Variants in GFOD1 observed in about 807,000 individuals in gnomAD.
The protein encoded by GFOD1 is Gfo/Idh/MocA-like oxidoreductase domain containing 1.
Under a neutral mutation model 25.4 loss-of-function variants are expected in GFOD1, and 9 were observed. The observed-to-expected ratio is 0.35, with a 90% CI of 0.21 to 0.62. GFOD1 has a LOEUF of 0.62. GFOD1 is among the 20% of genes least tolerant of loss of function. The pLI is 0.72. For synonymous variants in GFOD1, 253 were observed against 245.6 expected, an observed-to-expected ratio of 1.03 and a Z score of -0.28; for missense variants, 403 against 556.9, an observed-to-expected ratio of 0.72 and a Z score of 2.78.
intron 1 of GFOD1, among the ~76,000 whole-genome samples, chr6:13,374,309 GT>G (rs1554199412): frequency 5.8e-5 from 8 of 137,456 alleles, no homozygotes; most frequent in Admixed American, 7.2e-5. Context: ...GTGTGTGTTT[GT>G]TTTTTTTTTT....
intron 1 of GFOD1, among the ~76,000 whole-genome samples, chr6:13,412,328 AGACCCTGTGAG>A (rs557199878): frequency 2.6e-5 from 4 of 152,336 alleles, no homozygotes; most frequent in Admixed American, 6.5e-5. Flanking sequence ...AACAGAGGGA[AGACCCTGTGAG>A]GACACAGAGA....
chr6:13,453,946 A>C (rs1758143641), intron 1 of GFOD1, among the ~76,000 whole-genome samples: 1 of 152,186 alleles, frequency 6.6e-6, no homozygotes, highest in South Asian at 2.1e-4. Context: ...CACAGTCCTC[A>C]CTTCCAGTAC....
At chr6:13,462,616 G>T (rs1378734937) in intron 1 of GFOD1, among the ~76,000 whole-genome samples, 2 of 152,180 alleles carry the variant, frequency 1.3e-5, no homozygotes, top group Non-Finnish European at 2.9e-5. Context: ...TCTTCTTGCT[G>T]ACAGTGAGGA....
intron 1 of GFOD1, among the ~76,000 whole-genome samples, chr6:13,436,215 A>G (rs1420683279): frequency 6.6e-6 from 1 of 152,010 alleles, no homozygotes; most frequent in Non-Finnish European, 1.5e-5. Flanking sequence ...TGTTTTTAAA[A>G]ATTAAATTTT....
chr6:13,397,479 C>T (rs554792185), intron 1 of GFOD1, among the ~76,000 whole-genome samples: 74 of 152,368 alleles, frequency 4.9e-4, no homozygotes, highest in Middle Eastern at 6.8e-3. Context: ...ACCTCCAGGC[C>T]CTCTGGCATC....
At chr6:13,425,596 C>A (rs1314018598) in intron 1 of GFOD1, among the ~76,000 whole-genome samples, 1 of 152,200 alleles carries the variant, frequency 6.6e-6, no homozygotes, top group African/African-American at 2.4e-5. Context: ...AGTCCTCATT[C>A]AGATCTGAAA....
In GFOD1 at chr6:13,361,401, T is replaced by C. The variant is rs1784945302; in HGVS notation, c.*3342A>G. The C allele has an allele frequency of 6.4e-6, 1 of 155,924 alleles. No homozygotes were observed. The highest frequency in any genetic ancestry group is 2.4e-5 in the African/African-American group (1 of 41,446). The allele number at this position is 155,924 out of a possible 1,614,324, so 9.7% of individuals were successfully genotyped here. On this transcript the variant is annotated 3_prime_UTR_variant, in exon 2 of 2. Transcript: ENST00000379287. ...ACGAAACAGGCATGCAGGAACTAAA[T>C]GGGAAGACTCTTAAAGCACTGCCTC...
At chr6:13,483,180 G>T (rs943295865) in intron 1 of GFOD1, among the ~76,000 whole-genome samples, 1 of 152,036 alleles carries the variant, frequency 6.6e-6, no homozygotes, top group African/African-American at 2.4e-5. Flanking sequence ...GCAAGATGGG[G>T]GCACACAGTG....
intron 1 of GFOD1, among the ~76,000 whole-genome samples, chr6:13,382,212 CCAGT>C (rs1355841826): frequency 1.5e-4 from 23 of 152,152 alleles, no homozygotes; most frequent in African/African-American, 5.3e-4. Context: ...AATCTGGCAG[CCAGT>C]CAAATATGAT....
intron 1 of GFOD1, among the ~76,000 whole-genome samples, chr6:13,440,546 T>C (rs1329879278): frequency 6.6e-6 from 1 of 152,176 alleles, no homozygotes; most frequent in African/African-American, 2.4e-5. Flanking sequence ...AATCAGTCCA[T>C]CTACGATGAC....
At chr6:13,415,142 C>A (rs560220080) in intron 1 of GFOD1, among the ~76,000 whole-genome samples, 13 of 152,304 alleles carry the variant, frequency 8.5e-5, no homozygotes, top group East Asian at 5.8e-4. Flanking sequence ...CCCCAGCACT[C>A]GTGCCCTGTC....
At chr6:13,440,928 G>A (rs1757904502) in intron 1 of GFOD1, among the ~76,000 whole-genome samples, 1 of 152,126 alleles carries the variant, frequency 6.6e-6, no homozygotes. Context: ...CAGACAGAAG[G>A]AACTGCTGCA....
intron 1 of GFOD1, among the ~76,000 whole-genome samples, chr6:13,454,639 A>C (rs879791042): frequency 9.2e-5 from 14 of 152,004 alleles, no homozygotes; most frequent in Non-Finnish European, 2.1e-4. Context: ...CAATGCCACC[A>C]CTCCCGTCCA....
At chr6:13,398,773 G>A (rs1035352789) in intron 1 of GFOD1, among the ~76,000 whole-genome samples, 1 of 152,168 alleles carries the variant, frequency 6.6e-6, no homozygotes. Context: ...CTTTCCCTCA[G>A]GTCAGGGCTC....
At chr6:13,482,828 T>C (rs1471847867) in intron 1 of GFOD1, among the ~76,000 whole-genome samples, 1 of 152,124 alleles carries the variant, frequency 6.6e-6, no homozygotes, top group Admixed American at 6.5e-5. Context: ...AAAATATATA[T>C]TATTTTTAAT....
rs117671882 is a variant in GFOD1, at chr6:13,358,217, C to T, written c.*6526G>A. 2 of 151,872 alleles carry T rather than the reference C, an allele frequency of 1.3e-5. No individual in the cohort carries two copies. The highest frequency in any genetic ancestry group is 3.9e-4 in the East Asian group (2 of 5,192). The allele number at this position is 151,872 out of a possible 1,614,324, so 9.4% of individuals were successfully genotyped here. The stretch of plus-strand genomic sequence containing the variant: ...ATCTACATTATATAGAAAATATAGA[C>T]TCTGTTTACTTTATAACACACATCT... On this transcript the variant is annotated 3_prime_UTR_variant, in exon 2 of 2. Transcript: ENST00000379287.
At chr6:13,451,321 C>G (rs1758094194) in intron 1 of GFOD1, among the ~76,000 whole-genome samples, 1 of 152,158 alleles carries the variant, frequency 6.6e-6, no homozygotes, top group Non-Finnish European at 1.5e-5. Flanking sequence ...CATCCATGAC[C>G]CACAGGCCTG....
In GFOD1 at chr6:13,364,679, G is replaced by T; in HGVS notation, c.*64C>A. 7.3e-7 allele frequency: 1 copy of T among 1,373,148 alleles called. No homozygotes were observed. The highest frequency in any genetic ancestry group is 1.0e-6 in the Non-Finnish European group (1 of 991,282). 85.1% of individuals were successfully genotyped at this position (1,373,148 alleles called of 1,614,324 possible). A position where few individuals can be genotyped will look rare whatever the true frequency, so the allele number is the denominator to read the frequency against. On this transcript the variant is annotated 3_prime_UTR_variant, in exon 2 of 2. Coordinates refer to ENST00000379287, the MANE Select transcript of GFOD1 (RefSeq NM_018988.4). This position sits in a 1 kb window ranked among gnomAD's most constrained non-coding sequence, Gnocchi z 4.1. The stretch of plus-strand genomic sequence containing the variant: ...TTCCCCATGGTCACCCTCTCCCCTC[G>T]GCCCTTCCCTCTCTGTGGACATCCC...
intron 1 of GFOD1, among the ~76,000 whole-genome samples, chr6:13,374,264 GTTTTTTTT>G (rs113077397): frequency 4.6e-4 from 58 of 126,194 alleles, no homozygotes; most frequent in Non-Finnish European, 8.4e-4. Context: ...TTAAAAATAT[GTTTTTTTT>G]TTGTGTGTGT....
Sources: allele counts gnomAD v4.1 joint callset (sites outside exome capture counted in the v4.1 genomes callset), GRCh38; gene constraint gnomAD v4.1.1; non-coding constraint Gnocchi (gnomAD v3.1); transcripts MANE v1.5; gene names NCBI Gene and HGNC (gene_info 2026-07-23, HGNC 2026-07-21).